ARHGAP20: variants seen among roughly 807,000 people sequenced by gnomAD.
ARHGAP20 encodes the protein Rho GTPase activating protein 20, also known as rho GTPase-activating protein 20.
Under a neutral mutation model 73.7 loss-of-function variants are expected in ARHGAP20, and 34 were observed. That is an observed-to-expected ratio of 0.46 (90% CI 0.35 to 0.61). ARHGAP20 has a LOEUF of 0.61. Among genes scored for constraint, ARHGAP20 ranks in the 20% least tolerant of loss-of-function variants. ARHGAP20 has a pLI of 0.00. For synonymous variants in ARHGAP20, 523 were observed against 518.2 expected (o/e 1.01, Z -0.13); for missense variants, 1,314 against 1,420.9 (o/e 0.92, Z 1.21).
At chr11:110,674,010 C>T (rs1429045482) in intron 2 of ARHGAP20, among the ~76,000 whole-genome samples, 1 of 151,636 alleles carries the variant, frequency 6.6e-6, no homozygotes, top group Non-Finnish European at 1.5e-5. Context: ...ATGATCTCAG[C>T]TCACTGCAAC....
chr11:110,620,537 T>C (rs1948606537), intron 4 of ARHGAP20, among the ~76,000 whole-genome samples: 1 of 152,204 alleles, frequency 6.6e-6, no homozygotes, highest in Admixed American at 6.5e-5. Flanking sequence ...AAATGGATGA[T>C]GACCTAGATT....
chr11:110,667,557 G>A lies in ARHGAP20; in HGVS notation c.188+22990C>T, dbSNP rs1949749412. On this transcript the variant is annotated intron_variant, in intron 2 of 14. Coordinates refer to ENST00000683387, the MANE Select transcript of ARHGAP20 (RefSeq NM_001384657.1). ...AGGAGATGAAGGTTGTTTTCATGCT[G>A]GCTAACAAAATATCCACTCTGGCAG... 2.0e-5 allele frequency among the ~76,000 whole-genome samples: 3 copies of A among 152,244 alleles called. No individual in the cohort carries two copies. The East Asian group carries it at 5.8e-4, about 29-fold the overall frequency.
At chr11:110,670,182 A>G (rs778212521) in intron 2 of ARHGAP20, among the ~76,000 whole-genome samples, 10 of 152,118 alleles carry the variant, frequency 6.6e-5, no homozygotes, top group Admixed American at 6.5e-5. Context: ...CATCAAAATC[A>G]CACACTTTAT....
At chr11:110,687,181 G>A (rs925643433) in intron 2 of ARHGAP20, among the ~76,000 whole-genome samples, 58 of 148,810 alleles carry the variant, frequency 3.9e-4, no homozygotes, top group African/African-American at 1.3e-3. Context: ...GGGCTTAAGT[G>A]ATCCTCCCAC....
intron 3 of ARHGAP20, among the ~76,000 whole-genome samples, chr11:110,627,009 G>A (rs1948758363): frequency 6.6e-6 from 1 of 152,008 alleles, no homozygotes; most frequent in African/African-American, 2.4e-5. Flanking sequence ...ATAGCATGAC[G>A]ACTATCTCCA....
chr11:110,647,008 T>G (rs993072662), intron 2 of ARHGAP20, among the ~76,000 whole-genome samples: 1 of 152,086 alleles, frequency 6.6e-6, no homozygotes, highest in African/African-American at 2.4e-5. Context: ...AAATAAAAAT[T>G]TACTGGAGGC....
intron 12 of ARHGAP20, among the ~76,000 whole-genome samples, chr11:110,585,028 AATAT>A (rs1947611425): frequency 1.5e-5 from 2 of 136,214 alleles, no homozygotes; most frequent in South Asian, 2.4e-4. Context: ...CATATATGTG[AATAT>A]ATGTGAATAT....
At chr11:110,614,785 C>A in intron 5 of ARHGAP20, 140 bp from the exon 6 acceptor site, 1 of 596,086 alleles carries the variant, frequency 1.7e-6, no homozygotes, top group Non-Finnish European at 2.8e-6. Flanking sequence ...TGAGAAGACT[C>A]AGCAAAGTCA....
chr11:110,624,341 T>C (rs779573615), intron 3 of ARHGAP20, 30 bp from the exon 4 acceptor site: 20 of 1,482,616 alleles, frequency 1.3e-5, no homozygotes, highest in East Asian at 2.5e-5. Flanking sequence ...ACAGAACCTT[T>C]TGTTATTTTG....
At chr11:110,593,023 A>C (rs898477732) in intron 9 of ARHGAP20, among the ~76,000 whole-genome samples, 4 of 152,120 alleles carry the variant, frequency 2.6e-5, no homozygotes, top group African/African-American at 9.7e-5. Flanking sequence ...AGAGGAAAGT[A>C]AATCACATCT....
chr11:110,701,514 T>G (rs1360724481), intron 1 of ARHGAP20, among the ~76,000 whole-genome samples: 2 of 150,722 alleles, frequency 1.3e-5, no homozygotes, highest in African/African-American at 4.9e-5. Flanking sequence ...TGCGAAAATT[T>G]TCTCCCATTT....
intron 3 of ARHGAP20, among the ~76,000 whole-genome samples, chr11:110,625,265 T>C (rs953979150): frequency 1.3e-4 from 20 of 151,408 alleles, no homozygotes; most frequent in African/African-American, 4.6e-4. Context: ...TCTCGATCTC[T>C]TGACCTCATG....
At chr11:110,675,345 T>C (rs1949909149) in intron 2 of ARHGAP20, among the ~76,000 whole-genome samples, 1 of 152,212 alleles carries the variant, frequency 6.6e-6, no homozygotes, top group Non-Finnish European at 1.5e-5. Flanking sequence ...AAGTTTGCCA[T>C]GCCTTTCTAC....
rs1475697624 is a variant in ARHGAP20 at position 110,611,270 on chromosome 11, GT to G, written c.708+38del. The G allele has an allele frequency of 2.3e-6, 3 of 1,318,538 alleles. No homozygotes were observed. The African/African-American group carries it at 4.6e-5, about 20-fold the overall frequency. The allele number at this position is 1,318,538 out of a possible 1,614,324, so 81.7% of individuals were successfully genotyped here. A position where few individuals can be genotyped will look rare whatever the true frequency, so the allele number is the denominator to read the frequency against. On this transcript the variant is annotated intron_variant, in intron 7 of 14. Transcript: ENST00000683387. ...ACTTACATAAATTTAAATAATCAAA[GT>G]TTATTTTTAATTAAGAATGTCTAGC... is the stretch of plus-strand genomic sequence containing the variant.
intron 3 of ARHGAP20, 119 bp downstream of exon 3, chr11:110,630,509 G>T (rs1263363904): frequency 9.3e-7 from 1 of 1,073,626 alleles, no homozygotes; most frequent in Non-Finnish European, 1.3e-6. Flanking sequence ...AATCACTTTA[G>T]ATATTACCTA....
chr11:110,709,034 C>G (rs1240303169), intron 1 of ARHGAP20, among the ~76,000 whole-genome samples: 3 of 152,138 alleles, frequency 2.0e-5, no homozygotes, highest in Non-Finnish European at 4.4e-5. Context: ...CACTCAGTGG[C>G]ACTACTCTCC....
intron 2 of ARHGAP20, among the ~76,000 whole-genome samples, chr11:110,659,486 A>G (rs1949550299): frequency 6.6e-6 from 1 of 151,924 alleles, no homozygotes; most frequent in Non-Finnish European, 1.5e-5. Context: ...GTAGGTTGCA[A>G]AAATGTTCTC....
chr11:110,695,967 A>C (rs2135128830), intron 1 of ARHGAP20, among the ~76,000 whole-genome samples: 1 of 151,816 alleles, frequency 6.6e-6, no homozygotes, highest in South Asian at 2.1e-4. Context: ...ATATCTATAC[A>C]ACAAAATATT....
At chr11:110,702,088 A>G (rs1164058976) in intron 1 of ARHGAP20, among the ~76,000 whole-genome samples, 2 of 152,054 alleles carry the variant, frequency 1.3e-5, no homozygotes, top group African/African-American at 4.8e-5. Flanking sequence ...TTCCATATGA[A>G]CTTTAAAAGA....
Sources: allele counts gnomAD v4.1 joint callset (sites outside exome capture counted in the v4.1 genomes callset), GRCh38; gene constraint gnomAD v4.1.1; transcripts MANE v1.5; gene names NCBI Gene and HGNC (gene_info 2026-07-23, HGNC 2026-07-21).